Variants in FGF13 observed in about 807,000 individuals in gnomAD.
FGF13 encodes fibroblast growth factor homologous factor 2.
Under a neutral mutation model 19.5 loss-of-function variants are expected in FGF13, and 2 were observed. The ratio of observed to expected loss-of-function variants is 0.10; its 90% CI spans 0.04 to 0.32. The LOEUF is 0.32. Ranked by LOEUF, FGF13 falls within the 10% of genes least tolerant of loss-of-function variation. The pLI, the probability that FGF13 is intolerant of heterozygous loss-of-function variation, is 1.00. For missense variants in FGF13, 113 were observed against 192.7 expected, an observed-to-expected ratio of 0.59 and a Z score of 2.45; for synonymous variants, 72 against 76.9, an observed-to-expected ratio of 0.94 and a Z score of 0.33.
At chrX:139,155,048 G>C (rs754924558) in intron 1 of FGF13, among the ~76,000 whole-genome samples, 1 of 111,716 alleles carries the variant, frequency 9.0e-6, no homozygotes, top group East Asian at 2.8e-4. Context: ...GTATGTTCTA[G>C]ATGGAGAATC....
At chrX:138,706,211 C>G (rs1389250014) in intron 2 of FGF13, among the ~76,000 whole-genome samples, 1 of 112,493 alleles carries the variant, frequency 8.9e-6, no homozygotes, top group Admixed American at 9.4e-5. Flanking sequence ...AAAGGGAAAA[C>G]TAGTCTTTTA....
intron 3 of FGF13, among the ~76,000 whole-genome samples, chrX:138,820,345 T>C (rs1398608421): frequency 8.9e-6 from 1 of 111,897 alleles, no homozygotes; most frequent in African/African-American, 3.2e-5. Flanking sequence ...AAAACTTGCA[T>C]GTACCTAGTG....
At chrX:138,672,722 T>A (rs926784241) in intron 3 of FGF13, among the ~76,000 whole-genome samples, 1 of 111,486 alleles carries the variant, frequency 9.0e-6, no homozygotes, top group African/African-American at 3.3e-5. Flanking sequence ...TAGACAGTGT[T>A]TGAAGTCATG....
intron 3 of FGF13, among the ~76,000 whole-genome samples, chrX:138,800,760 G>A (rs1220873581): frequency 7.2e-5 from 8 of 111,548 alleles, no homozygotes; most frequent in Non-Finnish European, 1.5e-4. Context: ...GTCCCATATT[G>A]CTTGGAGGCT....
intron 1 of FGF13, among the ~76,000 whole-genome samples, chrX:139,180,877 T>C (rs1461086062): frequency 3.6e-5 from 4 of 112,241 alleles, no homozygotes; most frequent in Non-Finnish European, 7.5e-5. Context: ...TTCAGTTCAA[T>C]AGTTATCTGC....
chrX:138,888,022 C>T (rs1463774146), intron 1 of FGF13, among the ~76,000 whole-genome samples: 2 of 112,344 alleles, frequency 1.8e-5, no homozygotes, highest in East Asian at 5.6e-4. Flanking sequence ...CTTCATGGAA[C>T]TTGAATTATG....
intron 1 of FGF13, among the ~76,000 whole-genome samples, chrX:138,929,294 A>G (rs2091689471): frequency 9.2e-6 from 1 of 108,438 alleles, no homozygotes; most frequent in Admixed American, 1.0e-4. Context: ...TTTAGTGTGG[A>G]GAAGAGATAA....
chrX:138,620,825 A>G lies in FGF13; in HGVS notation c.*12025T>C, dbSNP rs897381093. The stretch of plus-strand genomic sequence containing the variant: ...ATGTAAATAGAAACCAGAAAGAAGC[A>G]GAGACACCTATACTATATCAGACAA... On this transcript the variant is annotated 3_prime_UTR_variant, in exon 5 of 5. Coordinates refer to ENST00000315930, the MANE Select transcript of FGF13 (RefSeq NM_004114.5). 7.2e-5 allele frequency: 8 copies of G among 111,851 alleles called. No individual in the cohort carries two copies. The highest frequency in any genetic ancestry group is 1.3e-4 in the Non-Finnish European group (7 of 53,170). The allele number at this position is 111,851 out of a possible 1,213,427, so 9.2% of individuals were successfully genotyped here. A position where few individuals can be genotyped will look rare whatever the true frequency, so the allele number is the denominator to read the frequency against.
At chrX:138,902,798 A>T (rs930731614) in intron 1 of FGF13, among the ~76,000 whole-genome samples, 5 of 111,807 alleles carry the variant, frequency 4.5e-5, no homozygotes, top group African/African-American at 1.6e-4. Context: ...TACAAATTAT[A>T]TGCAGCATCA....
chrX:138,823,721 T>C (rs2091014975), intron 3 of FGF13, among the ~76,000 whole-genome samples: 1 of 112,208 alleles, frequency 8.9e-6, no homozygotes, highest in South Asian at 3.7e-4. Context: ...ATTGTTATCA[T>C]TTCTGAGCAC....
intron 3 of FGF13, among the ~76,000 whole-genome samples, chrX:138,815,872 G>A (rs761692689): frequency 9.0e-6 from 1 of 111,186 alleles, no homozygotes; most frequent in Admixed American, 9.6e-5. Context: ...GAGAAAACAT[G>A]GGTGAATTCT....
chrX:138,635,693 T>C, intron 3 of FGF13, 38 bp from the exon 4 acceptor site: 4 of 1,075,295 alleles, frequency 3.7e-6, no homozygotes, highest in Non-Finnish European at 5.2e-6. Flanking sequence ...TCAGTGTTTA[T>C]AGCTATGAAT....
chrX:138,662,500 T>A (rs1256291830), intron 3 of FGF13, among the ~76,000 whole-genome samples: 1 of 111,471 alleles, frequency 9.0e-6, no homozygotes, highest in African/African-American at 3.3e-5. Context: ...CTGAAATAAA[T>A]GCAGCAATCA....
At chrX:138,716,900 T>A (rs759564789) in intron 1 of FGF13, among the ~76,000 whole-genome samples, 63 of 112,253 alleles carry the variant, frequency 5.6e-4, no homozygotes, top group African/African-American at 2.0e-3. Context: ...TGGTTTTCAT[T>A]ATGTCCTGTT....
intron 1 of FGF13, among the ~76,000 whole-genome samples, chrX:138,905,093 C>T (rs2091550634): frequency 9.0e-6 from 1 of 111,410 alleles, no homozygotes; most frequent in African/African-American, 3.3e-5. Flanking sequence ...GAGATGGACT[C>T]TATGTCCAGA....
intron 3 of FGF13, among the ~76,000 whole-genome samples, chrX:138,699,207 T>C (rs893496957): frequency 1.8e-5 from 2 of 111,588 alleles, no homozygotes; most frequent in African/African-American, 3.3e-5. Flanking sequence ...TCTGTCCTCA[T>C]CTCTTTGTCT....
At position 139,203,059 on chromosome X, in the gene FGF13, T is replaced by C. The variant is rs1471156183; in HGVS notation, c.-113+357A>G. ...AGGCTGCTGTCTCCAGTTTACATTC[T>C]GGAGCTAATCCCGGTCCTGAGAAAG... On this transcript the variant is annotated intron_variant, in intron 1 of 2. Coordinates refer to the FGF13 transcript ENST00000421460. Among the ~76,000 whole-genome samples, 3 of 112,476 alleles carry C rather than the reference T, an allele frequency of 2.7e-5. No individual in the cohort carries two copies. The Admixed American group carries it at 2.8e-4, about 10-fold the overall frequency.
At chrX:138,904,408 C>T (rs979473633) in intron 1 of FGF13, among the ~76,000 whole-genome samples, 3 of 80,817 alleles carry the variant, frequency 3.7e-5, no homozygotes, top group African/African-American at 9.4e-5. Context: ...TGAATTGCTT[C>T]GAATAGCTGT....
At chrX:138,868,899 C>T (rs2091343411) in intron 1 of FGF13, among the ~76,000 whole-genome samples, 2 of 110,806 alleles carry the variant, frequency 1.8e-5, no homozygotes, top group Non-Finnish European at 1.9e-5. Context: ...CCCTGCCTCA[C>T]GAAGACCCCA....
Sources: gnomAD v4.1 joint callset for allele counts (sites outside exome capture counted in the v4.1 genomes callset) on GRCh38, gnomAD v4.1.1 for gene constraint, MANE v1.5 for transcripts, NCBI Gene and HGNC (gene_info 2026-07-23, HGNC 2026-07-21) for gene names.